The following KMT2C variants were observed in gnomAD, a reference collection of about 807,000 sequenced individuals.
KMT2C encodes the protein histone-lysine N-methyltransferase 2C.
Under a neutral mutation model 507.9 loss-of-function variants are expected in KMT2C, and 88 were observed. The observed-to-expected ratio is 0.17, with a 90% CI of 0.15 to 0.21. KMT2C has a LOEUF of 0.21. Ranked by LOEUF, KMT2C falls within the 10% of genes least tolerant of loss-of-function variation. The pLI is 1.00. For missense variants in KMT2C, 4,954 were observed against 5,957.8 expected (o/e 0.83, Z 5.55); for synonymous variants, 2,049 against 2,080.8 (o/e 0.98, Z 0.42).
chr7:152,172,576 A>G (rs759844244), intron 39 of KMT2C, among the ~76,000 whole-genome samples: 76 of 152,236 alleles, frequency 5.0e-4, no homozygotes, highest in Middle Eastern at 3.4e-3. Context: ...CGTGCCTGTG[A>G]TCCGAGCTAC....
At chr7:152,389,839 G>A (rs77335648) in intron 1 of KMT2C, among the ~76,000 whole-genome samples, 10 of 151,502 alleles carry the variant, frequency 6.6e-5, no homozygotes, top group East Asian at 5.8e-4. Context: ...TCTCCCCCTC[G>A]CAAAAAAAGG....
At chr7:152,166,027 T>C (rs2092712899) in intron 42 of KMT2C, among the ~76,000 whole-genome samples, 1 of 152,138 alleles carries the variant, frequency 6.6e-6, no homozygotes, top group Non-Finnish European at 1.5e-5. Context: ...ATGAATCAGT[T>C]TGTAAAATGG....
chr7:152,277,768 C>CA (rs34853273), intron 6 of KMT2C, among the ~76,000 whole-genome samples: 13 of 151,298 alleles, frequency 8.6e-5, no homozygotes, highest in East Asian at 1.9e-4. Flanking sequence ...AAAAGAAACC[C>CA]AAAAAAAATC....
chr7:152,238,686 T>C (rs2095329187), intron 15 of KMT2C, 21 bp downstream of exon 15: 1 of 1,598,598 alleles, frequency 6.3e-7, no homozygotes, highest in African/African-American at 1.4e-5. Context: ...GATATATGAA[T>C]GTAAATGCAA....
chr7:152,362,791 G>A (rs190846174), intron 1 of KMT2C, among the ~76,000 whole-genome samples: 1 of 152,228 alleles, frequency 6.6e-6, no homozygotes, highest in East Asian at 1.9e-4. Context: ...TCAGTTATCT[G>A]CATTGCCCTA....
chr7:152,204,591 CTAGATAGATAGATAGATAGATAGA>C (rs57456614), intron 25 of KMT2C, among the ~76,000 whole-genome samples: 2 of 143,380 alleles, frequency 1.4e-5, no homozygotes, highest in African/African-American at 2.7e-5. Context: ...AGTGAGACCC[CTAGATAGATAGATAGATAGATAGA>C]TAGATAGATA....
At chr7:152,146,562 A>C in intron 53 of KMT2C, 37 bp downstream of exon 53, 1 of 1,609,544 alleles carries the variant, frequency 6.2e-7, no homozygotes, top group East Asian at 2.2e-5. Flanking sequence ...GAATCAGGAA[A>C]GCAATTCCAA....
intron 9 of KMT2C, among the ~76,000 whole-genome samples, chr7:152,256,365 A>T (rs1351726537): frequency 2.0e-5 from 3 of 152,104 alleles, no homozygotes; most frequent in Non-Finnish European, 4.4e-5. Flanking sequence ...AAAGACACAT[A>T]ATACAGCCTG....
chr7:152,287,571 A>C (rs1246357077), intron 6 of KMT2C, among the ~76,000 whole-genome samples: 1 of 152,208 alleles, frequency 6.6e-6, no homozygotes. Flanking sequence ...CAACACTTAA[A>C]ATGCAAAGGA....
At chr7:152,218,567 T>C (rs1355775058) in intron 23 of KMT2C, among the ~76,000 whole-genome samples, 2 of 152,186 alleles carry the variant, frequency 1.3e-5, no homozygotes, top group African/African-American at 4.8e-5. Flanking sequence ...TAATCATCTA[T>C]TTATATCATA....
intron 1 of KMT2C, among the ~76,000 whole-genome samples, chr7:152,417,048 CAAAAAAA>C (rs34690030): frequency 5.9e-5 from 4 of 67,324 alleles, no homozygotes; most frequent in Non-Finnish European, 1.1e-4. Context: ...GACATCATCT[CAAAAAAA>C]AAAAAAAAAA....
At chr7:152,325,715 G>C (rs553612713) in intron 3 of KMT2C, among the ~76,000 whole-genome samples, 11 of 152,182 alleles carry the variant, frequency 7.2e-5, no homozygotes, top group Non-Finnish European at 1.5e-4. Context: ...CAAAGTGCTA[G>C]GATTATAGGC....
chr7:152,164,320 C>G (rs1029214557), intron 42 of KMT2C, among the ~76,000 whole-genome samples: 8 of 147,806 alleles, frequency 5.4e-5, no homozygotes, highest in African/African-American at 7.5e-5. Context: ...GACGGAGTCT[C>G]GCTCTGTCGC....
At position 152,183,070 on chromosome 7, in the gene KMT2C, A is replaced by T. The variant is rs1166304820; in HGVS notation, c.5169T>A (p.Asp1723Glu). The change falls in exon 35 of 59, where the codon GAT (aspartate) becomes GAA (glutamate). Residue 1723 changes from aspartate to glutamate, a missense_variant. Physicochemically the swap from Asp to Glu is conservative, Grantham distance 45. Coordinates refer to ENST00000262189, the MANE Select transcript of KMT2C (RefSeq NM_170606.3). Reference sequence around the variant, plus strand: ...CAATACGAGAGCTGGGATCAATGCTATCTTGCTGTTGCTGCCTTTTCATGG... The same window carrying T: ...CAATACGAGAGCTGGGATCAATGCTTTCTTGCTGTTGCTGCCTTTTCATGG... ...NDSMKRQQQQ[D>E]SIDPSSRIDS... 3 of 1,613,120 alleles carry T rather than the reference A, an allele frequency of 1.9e-6. 1 individual carries two copies. The South Asian group carries it at 3.3e-5, about 18-fold the overall frequency.
chr7:152,199,164 TG>T (rs1266350030), intron 27 of KMT2C, 114 bp downstream of exon 27: 1 of 755,286 alleles, frequency 1.3e-6, no homozygotes, highest in Admixed American at 3.5e-5. Context: ...ACTTCAATGC[TG>T]TTGATTTTTA....
intron 3 of KMT2C, among the ~76,000 whole-genome samples, chr7:152,326,837 T>C (rs2096833398): frequency 7.9e-5 from 12 of 152,242 alleles, no homozygotes; most frequent in African/African-American, 2.9e-4. Context: ...GCTGAGATCG[T>C]GCCACTGCAC....
At chr7:152,359,407 T>C (rs1021985696) in intron 1 of KMT2C, among the ~76,000 whole-genome samples, 5 of 151,890 alleles carry the variant, frequency 3.3e-5, no homozygotes, top group Admixed American at 6.6e-5. Context: ...ACATAAAAAC[T>C]TGGAAACTGA....
intron 49 of KMT2C, among the ~76,000 whole-genome samples, chr7:152,151,896 A>G (rs1282161085): frequency 6.6e-6 from 1 of 152,234 alleles, no homozygotes. Context: ...AGGGAAACAG[A>G]TATTACTTTT....
intron 23 of KMT2C, among the ~76,000 whole-genome samples, chr7:152,212,290 A>AT (rs1199248301): frequency 6.6e-6 from 1 of 152,210 alleles, no homozygotes; most frequent in Non-Finnish European, 1.5e-5. Flanking sequence ...TATTTCTTGT[A>AT]TCATGCACAG....
Sources: allele counts gnomAD v4.1 joint callset (sites outside exome capture counted in the v4.1 genomes callset), GRCh38; gene constraint gnomAD v4.1.1; transcripts MANE v1.5; gene names NCBI Gene and HGNC (gene_info 2026-07-23, HGNC 2026-07-21).